RPS6KC1: variants seen among roughly 807,000 people sequenced by gnomAD.
The protein encoded by RPS6KC1 is inactive ribosomal protein S6 kinase delta-1.
A neutral mutation model predicts 103.8 loss-of-function variants in RPS6KC1; 54 were observed. The ratio of observed to expected loss-of-function variants is 0.52; its 90% CI spans 0.42 to 0.65. The LOEUF (loss-of-function observed/expected upper bound fraction) is 0.65, where lower values mean the gene tolerates loss of function less well. Ranked by LOEUF, RPS6KC1 falls within the 30% of genes least tolerant of loss-of-function variation. The probability of loss-of-function intolerance (pLI) is 0.00; values close to 1 mark genes in which losing one functional copy is unlikely to be tolerated. For missense variants in RPS6KC1, 1,151 were observed against 1,253.8 expected, an observed-to-expected ratio of 0.92 and a Z score of 1.24; for synonymous variants, 439 against 438.7, an observed-to-expected ratio of 1.00 and a Z score of -0.01.
the RPS6KC1 span, among the ~76,000 whole-genome samples, chr1:213,709,155 A>C: frequency 6.6e-6 from 1 of 152,246 alleles, no homozygotes. Flanking sequence ...CTCTCGTAGA[A>C]TTTGTCTGTG....
the RPS6KC1 span, among the ~76,000 whole-genome samples, chr1:213,581,282 C>G: frequency 2.0e-5 from 3 of 152,150 alleles, no homozygotes; most frequent in East Asian, 3.9e-4. Flanking sequence ...TCTCTCTCCC[C>G]CTTTTTACTC....
chr1:213,568,435 A>G, the RPS6KC1 span, among the ~76,000 whole-genome samples: 2 of 152,228 alleles, frequency 1.3e-5, no homozygotes, highest in Non-Finnish European at 2.9e-5. Context: ...CCGAGGACAG[A>G]AGATTCAATT....
chr1:213,583,999 A>G, the RPS6KC1 span, among the ~76,000 whole-genome samples: 1 of 151,998 alleles, frequency 6.6e-6, no homozygotes, highest in Non-Finnish European at 1.5e-5. Context: ...TAGCCCCCAT[A>G]ATTCCCACGT....
chr1:213,689,415 G>A, the RPS6KC1 span, among the ~76,000 whole-genome samples: 614 of 152,290 alleles, frequency 4.0e-3, 15 homozygotes, highest in Admixed American at 0.031. Context: ...CTGAAAGGGC[G>A]TGAATAATCC....
chr1:213,091,916 C>G (rs978776730), intron 3 of RPS6KC1, among the ~76,000 whole-genome samples: 28 of 150,360 alleles, frequency 1.9e-4, no homozygotes, highest in African/African-American at 6.8e-4. Context: ...ATAATTTTTA[C>G]TGCTTTATCA....
chr1:213,074,679 G>A (rs1172610570), intron 2 of RPS6KC1, among the ~76,000 whole-genome samples: 4 of 151,894 alleles, frequency 2.6e-5, no homozygotes, highest in Admixed American at 6.6e-5. Context: ...ATTAGGGCAT[G>A]GTGAAGAAAC....
the RPS6KC1 span, among the ~76,000 whole-genome samples, chr1:213,632,255 T>C: frequency 1.3e-5 from 2 of 152,160 alleles, no homozygotes; most frequent in Non-Finnish European, 2.9e-5. Flanking sequence ...CGTTTTCATT[T>C]CCCTAGAGAA....
At chr1:213,426,463 TC>T in the RPS6KC1 span, among the ~76,000 whole-genome samples, 2 of 152,156 alleles carry the variant, frequency 1.3e-5, no homozygotes, top group Non-Finnish European at 2.9e-5. Flanking sequence ...GCGGTCTCCT[TC>T]CCCCGTAACT....
chr1:213,214,748 C>T (rs7545813), intron 8 of RPS6KC1, among the ~76,000 whole-genome samples: 6,685 of 152,200 alleles, frequency 0.044, 238 homozygotes, highest in African/African-American at 0.094. Context: ...CCTCCACTGC[C>T]GATACCCAGG....
chr1:213,252,590 A>C (rs938238868), intron 12 of RPS6KC1, among the ~76,000 whole-genome samples: 1 of 152,136 alleles, frequency 6.6e-6, no homozygotes, highest in Non-Finnish European at 1.5e-5. Context: ...TGTCTTATTT[A>C]CCAGAGATCT....
At chr1:213,771,087 C>T in the RPS6KC1 span, among the ~76,000 whole-genome samples, 1 of 151,882 alleles carries the variant, frequency 6.6e-6, no homozygotes, top group Non-Finnish European at 1.5e-5. Context: ...CTCCATTCCT[C>T]TGTTCTTTCT....
At chr1:213,105,016 G>C (rs1210018500) in intron 4 of RPS6KC1, among the ~76,000 whole-genome samples, 1 of 151,960 alleles carries the variant, frequency 6.6e-6, no homozygotes, top group East Asian at 1.9e-4. Context: ...TTTTTGAAGT[G>C]TCTTTCAGTG....
the RPS6KC1 span, among the ~76,000 whole-genome samples, chr1:213,407,733 G>C: frequency 2.0e-5 from 3 of 152,030 alleles, no homozygotes; most frequent in African/African-American, 7.3e-5. Context: ...GGCTCTTCTT[G>C]CCTTTTGTTG....
At chr1:213,501,025 TAATC>T in the RPS6KC1 span, among the ~76,000 whole-genome samples, 1 of 152,084 alleles carries the variant, frequency 6.6e-6, no homozygotes, top group African/African-American at 2.4e-5. Context: ...TGGGTGAAAA[TAATC>T]AATATTTAAA....
the RPS6KC1 span, among the ~76,000 whole-genome samples, chr1:213,448,734 T>C: frequency 1.4e-5 from 2 of 141,774 alleles, no homozygotes; most frequent in East Asian, 2.1e-4. Flanking sequence ...GACTTTTCAA[T>C]CTCCATCTCT....
chr1:213,339,070 C>G, the RPS6KC1 span, among the ~76,000 whole-genome samples: 1 of 152,062 alleles, frequency 6.6e-6, no homozygotes, highest in Non-Finnish European at 1.5e-5. Context: ...TCGAGACCAG[C>G]CTGTCCAGCA....
At position 213,070,132 on chromosome 1, in the gene RPS6KC1, C is replaced by T. The variant is rs375259357; in HGVS notation, c.106-874C>T. ...TCTCATACTTCTCACATGTTGTGTC[C>T]GAGCATTGTAGCTGCTTTTTTTTAA... is the stretch of plus-strand genomic sequence containing the variant. On this transcript the variant is annotated intron_variant, in intron 1 of 14. Transcript: ENST00000366960. 5.3e-5 allele frequency among the ~76,000 whole-genome samples: 8 copies of T among 152,028 alleles called. No homozygotes were observed. The East Asian group carries it at 9.6e-4, about 18-fold the overall frequency.
chr1:213,144,661 C>G (rs2087508968), intron 6 of RPS6KC1, among the ~76,000 whole-genome samples: 1 of 152,018 alleles, frequency 6.6e-6, no homozygotes, highest in African/African-American at 2.4e-5. Context: ...AGGCTCTTTA[C>G]CCTATTCTCC....
At chr1:213,603,204 G>A in the RPS6KC1 span, among the ~76,000 whole-genome samples, 5 of 152,256 alleles carry the variant, frequency 3.3e-5, no homozygotes, top group East Asian at 3.8e-4. Flanking sequence ...TGAAGACAGA[G>A]TCAGGGTTCA....
Sources: gnomAD v4.1 joint callset for allele counts (sites outside exome capture counted in the v4.1 genomes callset) on GRCh38, gnomAD v4.1.1 for gene constraint, MANE v1.5 for transcripts, NCBI Gene and HGNC (gene_info 2026-07-23, HGNC 2026-07-21) for gene names.